The following HMG20A variants were observed in gnomAD, a reference collection of about 807,000 sequenced individuals.
HMG20A encodes high mobility group protein 20A.
HMG20A carries 17 observed loss-of-function variants against 43.9 expected under a neutral mutation model. The observed-to-expected ratio is 0.39, with a 90% confidence interval of 0.27 to 0.58. The LOEUF (loss-of-function observed/expected upper bound fraction) is 0.58. Ranked by LOEUF, HMG20A falls within the 20% of genes least tolerant of loss-of-function variation. HMG20A has a pLI of 0.59. For synonymous variants in HMG20A, 132 were observed against 147.5 expected, an observed-to-expected ratio of 0.89 and a Z score of 0.76; for missense variants, 341 against 438.2, an observed-to-expected ratio of 0.78 and a Z score of 1.98.
intron 1 of HMG20A, among the ~76,000 whole-genome samples, chr15:77,441,905 G>C (rs2073616897): frequency 6.6e-6 from 1 of 152,130 alleles, no homozygotes; most frequent in Admixed American, 6.5e-5. Flanking sequence ...GAAAAATATT[G>C]TAATGATGAG....
At chr15:77,479,061 A>C in intron 8 of HMG20A, 118 bp from the exon 9 acceptor site, 1 of 946,906 alleles carries the variant, frequency 1.1e-6, no homozygotes, top group Non-Finnish European at 1.7e-6. Context: ...TCTCTCCTCT[A>C]AAATTAAAAG....
chr15:77,510,837 C>T, the HMG20A span, among the ~76,000 whole-genome samples: 1 of 152,248 alleles, frequency 6.6e-6, no homozygotes, highest in Admixed American at 6.5e-5. Context: ...AAGGCACGTC[C>T]CTGAGCTTTC....
In HMG20A at chr15:77,448,807, GGC is replaced by G. The variant is rs139233003; in HGVS notation, c.-4-9593_-4-9592del. On this transcript the variant is annotated intron_variant, in intron 1 of 9. Transcript: ENST00000336216. ...ATTTTAAAAATCAATAATAAGGCCG[GGC>G]GCGGTGGCTCACGCCTGTAATCCCA... Among the ~76,000 whole-genome samples, 892 of 152,194 alleles carry G rather than the reference GGC, an allele frequency of 5.9e-3. 12 individuals carry two copies. Among genetic ancestry groups the G allele is most frequent in the African/African-American group, 0.02 (826 of 41,496 alleles).
chr15:77,488,186 A>G (rs1388175250), downstream of HMG20A, among the ~76,000 whole-genome samples: 2 of 152,348 alleles, frequency 1.3e-5, no homozygotes, highest in East Asian at 3.9e-4. Context: ...TTATGTGGGA[A>G]TATGTAAGAT....
chr15:77,507,885 C>T, the HMG20A span, among the ~76,000 whole-genome samples: 19 of 98,436 alleles, frequency 1.9e-4, no homozygotes, highest in Non-Finnish European at 1.6e-4. Flanking sequence ...TGTGGGGGGG[C>T]GGTGCTGAGC....
chr15:77,501,271 T>A, the HMG20A span, among the ~76,000 whole-genome samples: 1 of 152,186 alleles, frequency 6.6e-6, no homozygotes, highest in Non-Finnish European at 1.5e-5. Context: ...CTTGTTTGCA[T>A]CACCTCCACT....
At chr15:77,519,493 T>C in the HMG20A span, among the ~76,000 whole-genome samples, 1 of 152,192 alleles carries the variant, frequency 6.6e-6, no homozygotes, top group Non-Finnish European at 1.5e-5. Context: ...TGGGGCCTTT[T>C]GGAAGTAATC....
At chr15:77,433,349 A>AT (rs2073509734) in intron 1 of HMG20A, among the ~76,000 whole-genome samples, 1 of 151,844 alleles carries the variant, frequency 6.6e-6, no homozygotes, top group South Asian at 2.1e-4. Flanking sequence ...AAAAAAAAAA[A>AT]AAAAAAAAAA....
chr15:77,509,796 A>G, the HMG20A span, among the ~76,000 whole-genome samples: 1 of 151,536 alleles, frequency 6.6e-6, no homozygotes, highest in African/African-American at 2.4e-5. Context: ...AATCCCAGCT[A>G]CCTGGGAGGC....
chr15:77,475,627 T>C (rs1351970034), intron 6 of HMG20A, among the ~76,000 whole-genome samples: 1 of 152,250 alleles, frequency 6.6e-6, no homozygotes, highest in Non-Finnish European at 1.5e-5. Context: ...GATAGGATGA[T>C]AATGTCCTAA....
downstream of HMG20A, among the ~76,000 whole-genome samples, chr15:77,490,149 G>C (rs139724360): frequency 2.0e-5 from 3 of 152,046 alleles, no homozygotes; most frequent in Admixed American, 6.6e-5. Flanking sequence ...TTAGCTGGAC[G>C]TGGTGGCGCG....
intron 6 of HMG20A, among the ~76,000 whole-genome samples, chr15:77,476,629 C>T (rs932979125): frequency 6.6e-6 from 1 of 151,258 alleles, no homozygotes; most frequent in South Asian, 2.1e-4. Context: ...GTCCTGGGAT[C>T]TTAAGATTTC....
intron 1 of HMG20A, among the ~76,000 whole-genome samples, chr15:77,441,497 T>A (rs2073612650): frequency 6.6e-6 from 1 of 152,178 alleles, no homozygotes; most frequent in Non-Finnish European, 1.5e-5. Flanking sequence ...AATTTGAAGT[T>A]GATTTTGTTC....
At chr15:77,519,692 G>C in the HMG20A span, among the ~76,000 whole-genome samples, 15 of 152,106 alleles carry the variant, frequency 9.9e-5, no homozygotes, top group African/African-American at 3.6e-4. Context: ...TTTCAGAACT[G>C]CAAGCAAAAA....
chr15:77,450,859 G>C (rs1054531240), intron 1 of HMG20A, among the ~76,000 whole-genome samples: 3 of 152,152 alleles, frequency 2.0e-5, no homozygotes, highest in African/African-American at 7.2e-5. Context: ...GCCAGCATTT[G>C]GTGGTATCAG....
intron 1 of HMG20A, among the ~76,000 whole-genome samples, chr15:77,456,651 A>G (rs1436783807): frequency 6.6e-6 from 1 of 151,674 alleles, no homozygotes; most frequent in African/African-American, 2.4e-5. Flanking sequence ...AAAAAAAAAA[A>G]AAAAGCCAGT....
downstream of HMG20A, among the ~76,000 whole-genome samples, chr15:77,489,210 TATACC>T (rs963578294): frequency 1.1e-4 from 17 of 152,220 alleles, no homozygotes; most frequent in African/African-American, 4.1e-4. Context: ...ATAACAGACA[TATACC>T]ATAGGCCACT....
At chr15:77,448,104 C>G (rs1223738224) in intron 1 of HMG20A, among the ~76,000 whole-genome samples, 4 of 152,148 alleles carry the variant, frequency 2.6e-5, no homozygotes, top group African/African-American at 9.7e-5. Context: ...CACTTCTCAC[C>G]ATCTCTACTA....
At chr15:77,438,748 C>T (rs951855793) in intron 1 of HMG20A, among the ~76,000 whole-genome samples, 5 of 152,144 alleles carry the variant, frequency 3.3e-5, no homozygotes, top group African/African-American at 1.2e-4. Context: ...CTGTTTACTA[C>T]CAATTTTAAA....
Sources: gnomAD v4.1 joint callset for allele counts (sites outside exome capture counted in the v4.1 genomes callset) on GRCh38, gnomAD v4.1.1 for gene constraint, MANE v1.5 for transcripts, NCBI Gene and HGNC (gene_info 2026-07-23, HGNC 2026-07-21) for gene names.